TFAP2A: variants seen among roughly 807,000 people sequenced by gnomAD.
The protein encoded by TFAP2A is transcription factor AP-2-alpha.
TFAP2A carries 7 observed loss-of-function variants against 41.5 expected under a neutral mutation model. The observed-to-expected ratio is 0.17, with a 90% CI of 0.10 to 0.32. The LOEUF (loss-of-function observed/expected upper bound fraction) is 0.32. Ranked by LOEUF, TFAP2A falls within the 10% of genes least tolerant of loss-of-function variation. The pLI is 1.00. For synonymous variants in TFAP2A, 247 were observed against 242.8 expected (o/e 1.02, Z -0.16); for missense variants, 416 against 563.3 (o/e 0.74, Z 2.65).
intron 6 of TFAP2A, 128 bp downstream of exon 6, chr6:10,400,320 G>T: frequency 8.8e-7 from 1 of 1,134,964 alleles, no homozygotes; most frequent in Non-Finnish European, 1.3e-6. Flanking sequence ...ATATAAGATG[G>T]TGTTATAACT....
rs201119684 is a variant in TFAP2A at position 10,404,469 on chromosome 6, G to A, written c.770+39C>T. On this transcript the variant is annotated intron_variant, in intron 4 of 6. Coordinates refer to ENST00000379613, the MANE Select transcript of TFAP2A (RefSeq NM_001372066.1). ...CGGCGCAAGCGCAGTGGTTCCCCCG[G>A]CCGCGGGGCGGGGCGGGCGGGGCCG... 4.2e-6 allele frequency: 6 copies of A among 1,440,824 alleles called. No individual in the cohort carries two copies. The South Asian group carries it at 7.0e-5, about 17-fold the overall frequency. The allele number at this position is 1,440,824 out of a possible 1,614,324, so 89.3% of individuals were successfully genotyped here.
intron 1 of TFAP2A, among the ~76,000 whole-genome samples, chr6:10,413,970 G>A (rs1758123913): frequency 6.6e-6 from 1 of 152,190 alleles, no homozygotes; most frequent in Admixed American, 6.5e-5. Context: ...GCTCATTACA[G>A]TGTTGGTTGT....
intron 4 of TFAP2A, among the ~76,000 whole-genome samples, chr6:10,402,866 A>G (rs1295911037): frequency 6.6e-6 from 1 of 152,142 alleles, no homozygotes; most frequent in Non-Finnish European, 1.5e-5. Context: ...TGATTTCCCA[A>G]CTCTCTAAAG....
At chr6:10,406,924 G>C in intron 2 of TFAP2A, 80 bp from the exon 3 acceptor site, 1 of 1,121,238 alleles carries the variant, frequency 8.9e-7, no homozygotes, top group East Asian at 2.3e-5. Flanking sequence ...GATGGGAGGA[G>C]GGGAAGGTGT....
At chr6:10,402,372 T>C in intron 5 of TFAP2A, 120 bp downstream of exon 5, 2 of 810,042 alleles carry the variant, frequency 2.5e-6, no homozygotes, top group South Asian at 1.4e-5. Context: ...CATCTGGCTA[T>C]ATTCTCTGCA....
At chr6:10,412,262 G>T in intron 1 of TFAP2A, 1 of 987,818 alleles carries the variant, frequency 1.0e-6, no homozygotes, top group African/African-American at 1.8e-5. Context: ...GCGAATCACA[G>T]GGAAGGGGCA....
intron 5 of TFAP2A, 157 bp downstream of exon 5, chr6:10,402,335 C>A (rs764324209): frequency 1.4e-6 from 1 of 736,902 alleles, no homozygotes; most frequent in Admixed American, 1.9e-5. Context: ...GCAAATGTTT[C>A]TTTTTGCCAT....
chr6:10,412,743 C>T, intron 1 of TFAP2A: 2 of 274,178 alleles, frequency 7.3e-6, no homozygotes, highest in Non-Finnish European at 1.5e-5. Flanking sequence ...GAGTCTGGGA[C>T]TCGGGACTCG....
chr6:10,402,024 G>A (rs1230883214), intron 5 of TFAP2A: 1 of 329,018 alleles, frequency 3.0e-6, no homozygotes, highest in Non-Finnish European at 5.9e-6. Context: ...AGAGATAAGG[G>A]AGCATATGTT....
intron 3 of TFAP2A, chr6:10,405,014 G>A (rs1757644258): frequency 1.8e-6 from 1 of 544,926 alleles, no homozygotes; most frequent in African/African-American, 1.9e-5. Flanking sequence ...CGCCGTCAAG[G>A]GTGCTCTCTA....
chr6:10,397,914 CTTT>C lies in TFAP2A; in HGVS notation c.*500_*502del, dbSNP rs544361557. ...TAAAAATGTTGTCATCATCTTTTGG[CTTT>C]TTTTTTTTTTTTAAGTATGGCTACA... is the stretch of plus-strand genomic sequence containing the variant. On this transcript the variant is annotated 3_prime_UTR_variant, in exon 7 of 7. Transcript: ENST00000379613. The C allele has an allele frequency of 3.0e-5, 27 of 901,104 alleles. No individual in the cohort carries two copies. The highest frequency in any genetic ancestry group is 5.2e-5 in the South Asian group (1 of 19,252). The allele number at this position is 901,104 out of a possible 1,614,324, so 55.8% of individuals were successfully genotyped here.
chr6:10,397,730 A>G lies in TFAP2A; in HGVS notation c.*687T>C, dbSNP rs1321699771. On this transcript the variant is annotated 3_prime_UTR_variant, in exon 7 of 7. Transcript: ENST00000379613. ...CATTAAATTACACATAAATAAATAT[A>G]TACAGAGACGTGAACACTGATTCCC... is the stretch of plus-strand genomic sequence containing the variant. The G allele has an allele frequency of 1.6e-5, 6 of 371,856 alleles. No individual in the cohort carries two copies. The highest frequency in any genetic ancestry group is 1.3e-4 in the African/African-American group (6 of 45,324). The allele number at this position is 371,856 out of a possible 1,614,324, so 23.0% of individuals were successfully genotyped here.
chr6:10,414,764 CCTCT>C, intron 1 of TFAP2A, 173 bp downstream of exon 1: 5 of 835,902 alleles, frequency 6.0e-6, no homozygotes, highest in Non-Finnish European at 9.8e-6. Flanking sequence ...GCATCCACGT[CCTCT>C]CTCTGCAGCT....
At chr6:10,418,486 C>G (rs1175304112), upstream of TFAP2A, 1 of 152,276 alleles carries the variant, frequency 6.6e-6, no homozygotes, top group Admixed American at 6.5e-5. Flanking sequence ...AACAGGGCCT[C>G]GCGGTTCTGA....
chr6:10,404,870 C>T (rs1189353189), intron 3 of TFAP2A, 131 bp from the exon 4 acceptor site: 2 of 788,600 alleles, frequency 2.5e-6, no homozygotes, highest in South Asian at 1.7e-5. Flanking sequence ...TTCCGTCCGG[C>T]TCTGAAATTC....
In TFAP2A at chr6:10,410,049, T is replaced by G; in HGVS notation, c.338A>C (p.His113Pro). 3 of 1,612,792 alleles carry G rather than the reference T, an allele frequency of 1.9e-6. No individual in the cohort carries two copies. The highest frequency in any genetic ancestry group is 2.5e-6 in the Non-Finnish European group (3 of 1,179,814). ...QSQESGLLHTHRGLPHQLSGL... is the reference protein window; with the variant it reads ...QSQESGLLHTPRGLPHQLSGL... ...CGACAGCTGGTGAGGCAGCCCCCGG[T>G]GCGTGTGCAGGAGCCCAGACTCCTG... Residue 113 changes from histidine to proline, a missense_variant, in exon 2 of 7, where the codon CAC (histidine) becomes CCC (proline). This residue lies in a region of TFAP2A where 241 missense variants were observed against 274.1 expected (regional missense o/e 0.88). Transcript: ENST00000379613.
In TFAP2A at chr6:10,411,046, GCC is replaced by G. The variant is rs74734439; in HGVS notation, c.52-713_52-712del. Reference sequence around the variant, plus strand: ...GAGAGAGGTGCACCCCGGGGCTGTGGCCCCCCCCCCCCGCCCCTTCCACCCCA... The same window carrying G: ...GAGAGAGGTGCACCCCGGGGCTGTGGCCCCCCCCCCGCCCCTTCCACCCCA... On this transcript the variant is annotated intron_variant, in intron 1 of 6. Transcript: ENST00000379613. The G allele has an allele frequency of 6.1e-3, 697 of 114,796 alleles. 12 individuals are homozygous for G. The highest frequency in any genetic ancestry group is 0.022 in the African/African-American group (540 of 24,426). 7.1% of individuals were successfully genotyped at this position (114,796 alleles called of 1,614,324 possible).
At chr6:10,409,333 G>A (rs927776755) in intron 2 of TFAP2A, 2 of 153,898 alleles carry the variant, frequency 1.3e-5, no homozygotes, top group African/African-American at 2.4e-5. Flanking sequence ...CTAGTAAGAA[G>A]AAGGCTGCAT....
Position 10,398,855 on chromosome 6 carries a change from G to A in TFAP2A, c.1032-150C>T. The A allele has an allele frequency of 2.3e-6, 2 of 876,716 alleles. No homozygotes were observed. Among genetic ancestry groups the A allele is most frequent in the Admixed American group, 5.4e-5 (2 of 37,330 alleles). The allele number at this position is 876,716 out of a possible 1,614,324, so 54.3% of individuals were successfully genotyped here. A position where few individuals can be genotyped will look rare whatever the true frequency, so the allele number is the denominator to read the frequency against. On this transcript the variant is annotated intron_variant, in intron 6 of 6. Coordinates refer to ENST00000379613, the MANE Select transcript of TFAP2A (RefSeq NM_001372066.1). This position sits in a 1 kb window ranked among gnomAD's most constrained non-coding sequence, Gnocchi z 5.3. ...CAAGACCCCAGAGACAGACAGTGTGGCCACATGTTGGGAGATCCAGCCACC... is the reference window on the plus strand; with the variant it reads ...CAAGACCCCAGAGACAGACAGTGTGACCACATGTTGGGAGATCCAGCCACC...
Sources: allele counts gnomAD v4.1 joint callset (sites outside exome capture counted in the v4.1 genomes callset), GRCh38; gene constraint gnomAD v4.1.1; regional missense constraint gnomAD v4.1.1; non-coding constraint Gnocchi (gnomAD v3.1); transcripts MANE v1.5; gene names NCBI Gene and HGNC (gene_info 2026-07-23, HGNC 2026-07-21).